The following POFUT3 variants were observed in gnomAD, a reference collection of about 807,000 sequenced individuals.
The protein encoded by POFUT3 is GDP-fucose protein O-fucosyltransferase 3.
chr8:33,361,883 T>A, the POFUT3 span, among the ~76,000 whole-genome samples: 5,776 of 152,260 alleles, frequency 0.038, 224 homozygotes, highest in East Asian at 0.1. Context: ...TGTGGTTATC[T>A]TTTATCTTAT....
the POFUT3 span, among the ~76,000 whole-genome samples, chr8:33,417,428 ATTG>A: frequency 6.6e-6 from 1 of 152,254 alleles, no homozygotes; most frequent in East Asian, 1.9e-4. Flanking sequence ...CTGTGGAAAA[ATTG>A]TTGTTGGTGA....
At chr8:33,357,400 A>C in the POFUT3 span, among the ~76,000 whole-genome samples, 19 of 152,118 alleles carry the variant, frequency 1.2e-4, no homozygotes, top group Non-Finnish European at 2.6e-4. Flanking sequence ...GGGGCCTATT[A>C]GCCCAAGGAG....
At chr8:33,318,704 A>G in the POFUT3 span, among the ~76,000 whole-genome samples, 1 of 83,640 alleles carries the variant, frequency 1.2e-5, no homozygotes, top group African/African-American at 4.8e-5. Flanking sequence ...ATATTTATAT[A>G]ATATATAAAT....
the POFUT3 span, among the ~76,000 whole-genome samples, chr8:33,433,999 C>T: frequency 6.8e-6 from 1 of 146,154 alleles, no homozygotes; most frequent in African/African-American, 2.5e-5. Context: ...TGCAGCGGCT[C>T]ATGCCTGTAA....
chr8:33,416,084 C>T, the POFUT3 span, among the ~76,000 whole-genome samples: 1 of 152,052 alleles, frequency 6.6e-6, no homozygotes, highest in Non-Finnish European at 1.5e-5. Context: ...TGCATTATTG[C>T]ATCCAGAAAA....
chr8:33,422,978 G>C, the POFUT3 span, among the ~76,000 whole-genome samples: 23 of 152,164 alleles, frequency 1.5e-4, no homozygotes, highest in African/African-American at 5.3e-4. Context: ...ACCATGCCTG[G>C]ATAATTCTTT....
the POFUT3 span, among the ~76,000 whole-genome samples, chr8:33,397,132 C>A: frequency 6.6e-6 from 1 of 152,200 alleles, no homozygotes; most frequent in African/African-American, 2.4e-5. Context: ...AAAACTCAAA[C>A]AACTTCTAGT....
At chr8:33,417,540 C>A in the POFUT3 span, among the ~76,000 whole-genome samples, 2 of 151,820 alleles carry the variant, frequency 1.3e-5, no homozygotes, top group African/African-American at 2.4e-5. Context: ...AATGTGGGAA[C>A]TGGGAAACAG....
At chr8:33,351,415 A>T in the POFUT3 span, among the ~76,000 whole-genome samples, 1 of 152,138 alleles carries the variant, frequency 6.6e-6, no homozygotes, top group Non-Finnish European at 1.5e-5. Flanking sequence ...TGATAGATTA[A>T]TGCCCTTCCT....
the POFUT3 span, among the ~76,000 whole-genome samples, chr8:33,324,906 CACTT>C: frequency 6.6e-6 from 1 of 152,306 alleles, no homozygotes; most frequent in South Asian, 2.1e-4. Flanking sequence ...CTGTCTCAGA[CACTT>C]ACTACTTCTG....
the POFUT3 span, chr8:33,371,566 C>G: frequency 6.6e-6 from 1 of 152,166 alleles, no homozygotes; most frequent in South Asian, 2.1e-4. Context: ...CATCTAGAAA[C>G]CTCCCCTCCC....
the POFUT3 span, among the ~76,000 whole-genome samples, chr8:33,370,169 TAAAAAAAAAAAAAAAAAAAAAA>T: frequency 2.3e-4 from 9 of 39,896 alleles, no homozygotes; most frequent in South Asian, 3.1e-3. Context: ...CCATCTTTAC[TAAAAAAAAAAAAAAAAAAAAAA>T]AAAAAAAAAA....
At chr8:33,380,028 C>CTATATATATAG in the POFUT3 span, among the ~76,000 whole-genome samples, 7 of 65,822 alleles carry the variant, frequency 1.1e-4, no homozygotes, top group South Asian at 4.9e-4. Context: ...TATATATATA[C>CTATATATATAG]TATATATATA....
chr8:33,443,960 T>G, the POFUT3 span, among the ~76,000 whole-genome samples: 9 of 148,892 alleles, frequency 6.0e-5, no homozygotes, highest in Admixed American at 3.3e-4. Flanking sequence ...ACCTCATTTC[T>G]ACAAGCTTTT....
chr8:33,430,087 C>T, the POFUT3 span, among the ~76,000 whole-genome samples: 8 of 151,958 alleles, frequency 5.3e-5, no homozygotes, highest in African/African-American at 7.3e-5. Flanking sequence ...ACTCCACCAA[C>T]GCCATTACCA....
At chr8:33,328,893 G>A in the POFUT3 span, among the ~76,000 whole-genome samples, 2 of 151,992 alleles carry the variant, frequency 1.3e-5, no homozygotes, top group African/African-American at 4.8e-5. Flanking sequence ...GAGGAGCCTG[G>A]GCAGACACCC....
At chr8:33,394,255 C>A in the POFUT3 span, 1 of 195,196 alleles carries the variant, frequency 5.1e-6, no homozygotes, top group Non-Finnish European at 1.1e-5. Flanking sequence ...CTTCTTGGGA[C>A]CTGGCATGAG....
chr8:33,379,809 C>A, the POFUT3 span, among the ~76,000 whole-genome samples: 7 of 130,322 alleles, frequency 5.4e-5, no homozygotes, highest in Non-Finnish European at 7.8e-5. Flanking sequence ...GCACTCCAGC[C>A]TGGGCAACAG....
chr8:33,470,236 C>CAAAAAAAAAAAAAAAAAAAAAAAAAAAA, the POFUT3 span, among the ~76,000 whole-genome samples: 1 of 89,114 alleles, frequency 1.1e-5, no homozygotes, highest in African/African-American at 4.6e-5. Context: ...CCCATCTCTA[C>CAAAAAAAAAAAAAAAAAAAAAAAAAAAA]AAAAAAAAAA....
Sources: gnomAD v4.1 joint callset for allele counts (sites outside exome capture counted in the v4.1 genomes callset) on GRCh38, gnomAD v4.1.1 for gene constraint, MANE v1.5 for transcripts, NCBI Gene and HGNC (gene_info 2026-07-23, HGNC 2026-07-21) for gene names.